NCBP1: variants seen among roughly 807,000 people sequenced by gnomAD.
The protein encoded by NCBP1 is nuclear cap binding protein subunit 1, also known as nuclear cap-binding protein subunit 1.
In NCBP1, 16 loss-of-function variants were observed where a neutral mutation model predicts 111.7. That is an observed-to-expected ratio of 0.14 (90% CI 0.10 to 0.22). NCBP1 has a LOEUF of 0.22. NCBP1 is among the 10% of genes least tolerant of loss of function. NCBP1 has a pLI of 1.00. For missense variants in NCBP1, 607 were observed against 957.5 expected (o/e 0.63, Z 4.83); for synonymous variants, 304 against 314.3 (o/e 0.97, Z 0.35).
intron 22 of NCBP1, chr9:97,669,940 T>A: frequency 1.9e-6 from 1 of 528,136 alleles, no homozygotes; most frequent in Non-Finnish European, 3.5e-6. Context: ...ACCTTTTTTT[T>A]GAGATGGCAT....
chr9:97,656,547 A>T (rs79070347), intron 14 of NCBP1, among the ~76,000 whole-genome samples: 1,864 of 152,344 alleles, frequency 0.012, 14 homozygotes, highest in Non-Finnish European at 0.019. Context: ...CGACACTCTT[A>T]TCTCAAAAAA....
At chr9:97,660,816 C>A in intron 15 of NCBP1, 130 bp from the exon 16 acceptor site, 1 of 1,072,492 alleles carries the variant, frequency 9.3e-7, no homozygotes, top group Non-Finnish European at 1.3e-6. Flanking sequence ...TAAATATTGA[C>A]CTTGGGATAA....
intron 1 of NCBP1, 140 bp downstream of exon 1, chr9:97,634,055 G>A: frequency 8.9e-7 from 1 of 1,120,638 alleles, no homozygotes; most frequent in Non-Finnish European, 1.2e-6. Flanking sequence ...AGGAGAATAT[G>A]GTGGCGGTGT....
At chr9:97,643,148 A>C in intron 3 of NCBP1, 56 bp from the exon 4 acceptor site, 2 of 1,488,442 alleles carry the variant, frequency 1.3e-6, no homozygotes, top group South Asian at 2.7e-5. Context: ...CATAAAATTC[A>C]GCAACTTAAC....
At chr9:97,643,132 G>C (rs933276599) in intron 3 of NCBP1, 72 bp from the exon 4 acceptor site, 6 of 1,420,434 alleles carry the variant, frequency 4.2e-6, no homozygotes, top group Non-Finnish European at 5.7e-6. Context: ...ATGATAAAAA[G>C]ATTCACATAA....
At chr9:97,646,136 C>T (rs1256942947) in intron 6 of NCBP1, among the ~76,000 whole-genome samples, 1 of 152,212 alleles carries the variant, frequency 6.6e-6, no homozygotes, top group Admixed American at 6.5e-5. Context: ...ACACATTTCA[C>T]AAGTGGAGAA....
chr9:97,666,352 A>T (rs1054580571), intron 19 of NCBP1, among the ~76,000 whole-genome samples: 1 of 152,220 alleles, frequency 6.6e-6, no homozygotes, highest in Non-Finnish European at 1.5e-5. Context: ...AATAATATAA[A>T]GCATGGGAAA....
At chr9:97,653,710 A>G in intron 10 of NCBP1, 88 bp from the exon 11 acceptor site, 1 of 908,034 alleles carries the variant, frequency 1.1e-6, no homozygotes, top group Non-Finnish European at 1.7e-6. Flanking sequence ...CCATGGAGTT[A>G]GAGCTCAGAT....
chr9:97,668,018 C>T (rs947096774), intron 20 of NCBP1, among the ~76,000 whole-genome samples: 1 of 152,080 alleles, frequency 6.6e-6, no homozygotes, highest in Non-Finnish European at 1.5e-5. Flanking sequence ...CTGTGATATC[C>T]GAGAGCAGGG....
At chr9:97,668,139 C>T (rs897721953) in intron 20 of NCBP1, among the ~76,000 whole-genome samples, 1 of 152,186 alleles carries the variant, frequency 6.6e-6, no homozygotes, top group Admixed American at 6.5e-5. Flanking sequence ...CACCTTCTTG[C>T]TGAAAGTACC....
intron 22 of NCBP1, 117 bp from the exon 23 acceptor site, chr9:97,670,969 T>C (rs1828172588): frequency 1.7e-6 from 1 of 590,404 alleles, no homozygotes; most frequent in African/African-American, 1.9e-5. Flanking sequence ...CAGCACTTTT[T>C]TTTCCCCTTC....
chr9:97,655,634 A>AAGCC, intron 12 of NCBP1, 68 bp from the exon 13 acceptor site: 1 of 1,323,240 alleles, frequency 7.6e-7, no homozygotes, highest in Admixed American at 2.0e-5. Flanking sequence ...GAAGGCTTAT[A>AAGCC]TAAGTTTCTG....
chr9:97,635,830 G>A (rs576321030), intron 1 of NCBP1: 1 of 152,220 alleles, frequency 6.6e-6, no homozygotes, highest in East Asian at 1.9e-4. Flanking sequence ...TTTCTTTGTT[G>A]TTCTAATGCT....
Position 97,671,159 on chromosome 9 carries a change from T to G in NCBP1, c.2333T>G (p.Ile778Ser). ...TTCACTGCTGAATTAGACCCTCATA[T>G]CTTGGCCGTGTTCCAGCAGTTCTGT... The part of the protein sequence containing the change: ...LLFTAELDPH[I>S]LAVFQQFCAL... Residue 778 changes from isoleucine to serine, a missense_variant, in exon 23 of 23, where the codon ATC becomes AGC. By Grantham distance (142) the Ile-to-Ser change is moderately radical. This residue lies in a region of NCBP1 where 18 missense variants were observed against 18.7 expected (regional missense o/e 0.96). Transcript: ENST00000375147. The G allele has an allele frequency of 6.2e-7, 1 of 1,613,658 alleles. No individual in the cohort carries two copies. Among genetic ancestry groups the G allele is most frequent in the Non-Finnish European group, 8.5e-7 (1 of 1,179,546 alleles).
At chr9:97,652,993 A>T (rs116987212) in intron 10 of NCBP1, among the ~76,000 whole-genome samples, 2,134 of 152,294 alleles carry the variant, frequency 0.014, 103 homozygotes, top group East Asian at 0.13. Flanking sequence ...AGTAGGAAGG[A>T]AGTTTCTGAA....
chr9:97,652,115 T>C (rs1827512970), intron 10 of NCBP1, among the ~76,000 whole-genome samples: 1 of 152,206 alleles, frequency 6.6e-6, no homozygotes, highest in Non-Finnish European at 1.5e-5. Flanking sequence ...GCAATTCTTC[T>C]GCCTCAGCCT....
chr9:97,653,031 C>T (rs1253886499), intron 10 of NCBP1, among the ~76,000 whole-genome samples: 1 of 151,866 alleles, frequency 6.6e-6, no homozygotes, highest in African/African-American at 2.4e-5. Flanking sequence ...AAGTCTTGGA[C>T]TGCCAGAAAG....
At chr9:97,669,911 C>T in intron 22 of NCBP1, 1 of 624,656 alleles carries the variant, frequency 1.6e-6, no homozygotes, top group Non-Finnish European at 2.9e-6. Flanking sequence ...TTGCCACCCC[C>T]CCAACAACCC....
At chr9:97,645,855 G>A in intron 6 of NCBP1, 123 bp downstream of exon 6, 2 of 1,197,588 alleles carry the variant, frequency 1.7e-6, no homozygotes, top group Non-Finnish European at 2.3e-6. Context: ...AGGTAATCCT[G>A]TTCTCCTGCT....
Sources: gnomAD v4.1 joint callset for allele counts (sites outside exome capture counted in the v4.1 genomes callset) on GRCh38, gnomAD v4.1.1 for gene constraint, gnomAD v4.1.1 regional missense constraint, MANE v1.5 for transcripts, NCBI Gene and HGNC (gene_info 2026-07-23, HGNC 2026-07-21) for gene names.